Variants in CACHD1 observed in about 807,000 individuals in gnomAD.
CACHD1 encodes the protein VWFA and cache domain-containing protein 1.
CACHD1 carries 71 observed loss-of-function variants against 138.7 expected under a neutral mutation model. That is an observed-to-expected ratio of 0.51 (90% CI 0.42 to 0.62). The LOEUF is 0.62. Ranked by LOEUF, CACHD1 falls within the 20% of genes least tolerant of loss-of-function variation. CACHD1 has a pLI of 0.00. For missense variants in CACHD1, 1,389 were observed against 1,625.3 expected (o/e 0.85, Z 2.50); for synonymous variants, 578 against 591.5 (o/e 0.98, Z 0.33).
intron 25 of CACHD1, 109 bp from the exon 26 acceptor site, chr1:64,681,896 C>A: frequency 2.1e-6 from 2 of 940,744 alleles, no homozygotes; most frequent in Non-Finnish European, 3.4e-6. Context: ...TTCTGGCTTT[C>A]CAAAGAGAAT....
intron 1 of CACHD1, among the ~76,000 whole-genome samples, chr1:64,473,858 T>A (rs369048249): frequency 6.6e-6 from 1 of 152,216 alleles, no homozygotes. Flanking sequence ...GCATTTCAAG[T>A]GGCAGCACTT....
intron 1 of CACHD1, among the ~76,000 whole-genome samples, chr1:64,540,191 C>G (rs1300181161): frequency 6.6e-6 from 1 of 152,110 alleles, no homozygotes; most frequent in Non-Finnish European, 1.5e-5. Context: ...CGTGTACACA[C>G]AGAACACTGA....
chr1:64,618,292 G>A (rs1010627122), intron 4 of CACHD1, among the ~76,000 whole-genome samples: 3 of 152,114 alleles, frequency 2.0e-5, no homozygotes, highest in Non-Finnish European at 2.9e-5. Flanking sequence ...GGTCTACACC[G>A]ATTCTCTACT....
intron 4 of CACHD1, 98 bp downstream of exon 4, chr1:64,603,010 G>C: frequency 1.6e-6 from 1 of 635,414 alleles, no homozygotes; most frequent in Non-Finnish European, 2.7e-6. Flanking sequence ...TTTTTGAAGA[G>C]AAGTATTATA....
At chr1:64,668,109 A>G (rs1316791738) in intron 16 of CACHD1, among the ~76,000 whole-genome samples, 1 of 152,078 alleles carries the variant, frequency 6.6e-6, no homozygotes, top group Non-Finnish European at 1.5e-5. Flanking sequence ...CAGGCGGATC[A>G]TGAGGTCAGA....
At chr1:64,564,432 A>T (rs1332932899) in intron 2 of CACHD1, among the ~76,000 whole-genome samples, 1 of 152,076 alleles carries the variant, frequency 6.6e-6, no homozygotes, top group Non-Finnish European at 1.5e-5. Context: ...GTAACTTGGG[A>T]TGCTGTATCA....
intron 3 of CACHD1, among the ~76,000 whole-genome samples, chr1:64,592,084 A>G (rs12404718): frequency 0.072 from 10,950 of 152,308 alleles, 539 homozygotes; most frequent in Admixed American, 0.16. Flanking sequence ...CAATATTATT[A>G]AATACTTTTT....
intron 22 of CACHD1, 61 bp downstream of exon 22, chr1:64,677,072 C>A: frequency 1.5e-6 from 2 of 1,320,438 alleles, no homozygotes; most frequent in Non-Finnish European, 2.2e-6. Flanking sequence ...TCCTACTCTT[C>A]GTGTTTTAAA....
intron 17 of CACHD1, 113 bp from the exon 18 acceptor site, chr1:64,673,045 C>A: frequency 1.1e-6 from 1 of 878,468 alleles, no homozygotes; most frequent in Admixed American, 2.0e-5. Context: ...TTATTGAGAA[C>A]CTGGGATAAA....
rs1008098568 is a variant in CACHD1, at chr1:64,470,473, C to G, written c.-272C>G. 1.3e-5 allele frequency among the ~76,000 whole-genome samples: 2 copies of G among 151,390 alleles called. No homozygotes were observed. The highest frequency in any genetic ancestry group is 2.9e-5 in the Non-Finnish European group (2 of 67,816). The stretch of plus-strand genomic sequence containing the variant: ...GCTCTCGGAGACGCCCTCTGCGCCG[C>G]GGGGCCCGTGTGGGCGCCGGGCTCC... On this transcript the variant is annotated 5_prime_UTR_variant, in exon 1 of 27. Coordinates refer to ENST00000651257, the MANE Select transcript of CACHD1 (RefSeq NM_020925.4). This position sits in a 1 kb window ranked among gnomAD's most constrained non-coding sequence, Gnocchi z 5.2.
chr1:64,619,975 A>G (rs974893263), intron 4 of CACHD1, among the ~76,000 whole-genome samples: 1 of 152,190 alleles, frequency 6.6e-6, no homozygotes, highest in Non-Finnish European at 1.5e-5. Flanking sequence ...TTTCAAAAAT[A>G]TATAAGCAAA....
rs1646918457 is a variant in CACHD1 at position 64,570,494 on chromosome 1, C to T, written c.262-11662C>T. ...ACATCCGCTGACATGCATGTCAGGC[C>T]TACCATGGCACCAGCCTCTAAAGGA... is the stretch of plus-strand genomic sequence containing the variant. On this transcript the variant is annotated intron_variant, in intron 2 of 26. Transcript: ENST00000651257. 2.0e-5 allele frequency among the ~76,000 whole-genome samples: 3 copies of T among 152,206 alleles called. No homozygotes were observed. In the South Asian group the frequency reaches 6.2e-4, roughly 32 times the overall value.
At chr1:64,475,770 G>T (rs556200516) in intron 1 of CACHD1, among the ~76,000 whole-genome samples, 1 of 152,128 alleles carries the variant, frequency 6.6e-6, no homozygotes, top group East Asian at 1.9e-4. Context: ...GGATGGTCTC[G>T]ATTTCCTGAC....
At chr1:64,653,984 T>C in intron 11 of CACHD1, 103 bp downstream of exon 11, 1 of 1,035,944 alleles carries the variant, frequency 9.7e-7, no homozygotes, top group Non-Finnish European at 1.4e-6. Context: ...AGTGTATAAA[T>C]TATTTTAATG....
intron 1 of CACHD1, among the ~76,000 whole-genome samples, chr1:64,482,642 C>G (rs934132679): frequency 2.0e-5 from 3 of 152,116 alleles, no homozygotes; most frequent in African/African-American, 7.2e-5. Context: ...CTTCACTGAA[C>G]CATTTATGAA....
At position 64,679,656 on chromosome 1, in the gene CACHD1, G is replaced by T. The variant is rs751357480; in HGVS notation, c.3306G>T (p.Gly1102=). 6.2e-7 allele frequency: 1 copy of T among 1,614,202 alleles called. No individual in the cohort carries two copies. Among genetic ancestry groups the T allele is most frequent in the Non-Finnish European group, 8.5e-7 (1 of 1,180,032 alleles). The change falls in exon 24 of 27, where the codon GGG becomes GGT. Residue 1102 remains glycine (G), a synonymous_variant. Coordinates refer to ENST00000651257, the MANE Select transcript of CACHD1 (RefSeq NM_020925.4). The part of the protein sequence containing the change: ...KSAPVGPVAG[G]IMGCIMVLVL... Reference sequence around the variant, plus strand: ...CCCCTGTGGGTCCTGTGGCTGGAGGGATCATGGGATGCATCATGGTCTTGG... The same window carrying T: ...CCCCTGTGGGTCCTGTGGCTGGAGGTATCATGGGATGCATCATGGTCTTGG...
chr1:64,500,818 C>T (rs578211544), intron 1 of CACHD1, among the ~76,000 whole-genome samples: 10 of 150,860 alleles, frequency 6.6e-5, no homozygotes, highest in East Asian at 1.9e-4. Flanking sequence ...GAGGCCAAAG[C>T]GGGTGGATCA....
intron 3 of CACHD1, among the ~76,000 whole-genome samples, chr1:64,591,865 T>A (rs1306012264): frequency 6.6e-6 from 1 of 152,220 alleles, no homozygotes; most frequent in East Asian, 1.9e-4. Context: ...GTTCTTTATG[T>A]ACTCTCTCAT....
intron 1 of CACHD1, among the ~76,000 whole-genome samples, chr1:64,492,920 G>A (rs1255677290): frequency 2.6e-5 from 4 of 152,186 alleles, no homozygotes; most frequent in Admixed American, 2.6e-4. Context: ...ATACTTAGCA[G>A]TAGAGACTAC....
Sources: allele counts gnomAD v4.1 joint callset (sites outside exome capture counted in the v4.1 genomes callset), GRCh38; gene constraint gnomAD v4.1.1; non-coding constraint Gnocchi (gnomAD v3.1); transcripts MANE v1.5; gene names NCBI Gene and HGNC (gene_info 2026-07-23, HGNC 2026-07-21).